CACNA1C: variants seen among roughly 807,000 people sequenced by gnomAD.
The protein encoded by CACNA1C is calcium voltage-gated channel subunit alpha1 C, also known as voltage-dependent L-type calcium channel subunit alpha-1C.
CACNA1C carries 30 observed loss-of-function variants against 229.0 expected under a neutral mutation model. The observed-to-expected ratio is 0.13, with a 90% CI of 0.10 to 0.18. CACNA1C has a LOEUF of 0.18. CACNA1C is among the 10% of genes least tolerant of loss of function. The pLI is 1.00. For synonymous variants in CACNA1C, 1,114 were observed against 1,132.5 expected (o/e 0.98, Z 0.33); for missense variants, 1,658 against 2,845.0 (o/e 0.58, Z 9.49).
At position 1,971,102 on chromosome 12, in the gene CACNA1C, C is replaced by T; in HGVS notation, c.40C>T (p.Gln14Ter). 7.8e-7 allele frequency: 1 copy of T among 1,289,358 alleles called. No homozygotes were observed. The highest frequency in any genetic ancestry group is 1.0e-6 in the Non-Finnish European group (1 of 988,512). The allele number at this position is 1,289,358 out of a possible 1,614,324, so 79.9% of individuals were successfully genotyped here. The change falls in exon 1 of 47, where the codon CAG (glutamine) becomes TAG (stop). Residue 14 changes from glutamine (Q) to a stop codon, truncating the protein, a stop_gained. Coordinates refer to the CACNA1C transcript ENST00000682462. LOFTEE classifies it high-confidence loss of function. This position sits in a 1 kb window ranked among gnomAD's most constrained non-coding sequence, Gnocchi z 4.2. ...TGTTCAGCCTGGTACGCCTGCATAC[C>T]AGCCGCTTCCCAGCCACCTGTCTGC...
intron 1 of CACNA1C, among the ~76,000 whole-genome samples, chr12:2,088,817 A>G (rs544143638): frequency 1.8e-4 from 27 of 151,852 alleles, no homozygotes; most frequent in Non-Finnish European, 3.7e-4. Context: ...GGGGAAAGCA[A>G]TTTTTCAGTT....
intron 3 of CACNA1C, among the ~76,000 whole-genome samples, chr12:2,192,700 C>T (rs1010736620): frequency 4.0e-5 from 6 of 151,764 alleles, no homozygotes; most frequent in African/African-American, 7.3e-5. Flanking sequence ...GTGTGTAACA[C>T]GGTACCTGGC....
chr12:2,002,434 G>T (rs2042389250), intron 1 of CACNA1C, among the ~76,000 whole-genome samples: 1 of 152,180 alleles, frequency 6.6e-6, no homozygotes, highest in South Asian at 2.1e-4. Context: ...TTTCCTGAAT[G>T]AATTATGCCC....
chr12:2,302,081 G>GA (rs1415833085), intron 3 of CACNA1C, among the ~76,000 whole-genome samples: 1 of 152,148 alleles, frequency 6.6e-6, no homozygotes, highest in Non-Finnish European at 1.5e-5. Context: ...TTGGGTTTTT[G>GA]AAAAAGATAC....
At chr12:2,278,562 T>C (rs534205461) in intron 3 of CACNA1C, among the ~76,000 whole-genome samples, 2 of 152,370 alleles carry the variant, frequency 1.3e-5, no homozygotes, top group African/African-American at 4.8e-5. Context: ...TACACATGTC[T>C]CTGGATGTAC....
intron 3 of CACNA1C, among the ~76,000 whole-genome samples, chr12:2,310,369 ATATGTATG>A (rs1192368171): frequency 6.6e-6 from 1 of 150,636 alleles, no homozygotes; most frequent in Middle Eastern, 3.5e-3. Flanking sequence ...ATATATATAT[ATATGTATG>A]GGAATAAAGA....
At chr12:2,041,498 G>C (rs919763411) in intron 1 of CACNA1C, among the ~76,000 whole-genome samples, 7 of 151,854 alleles carry the variant, frequency 4.6e-5, no homozygotes, top group African/African-American at 1.7e-4. Flanking sequence ...GGATGGTCTC[G>C]ATCTCCTGAC....
chr12:2,501,040 A>AC (rs1396066747), intron 7 of CACNA1C, among the ~76,000 whole-genome samples: 1 of 146,150 alleles, frequency 6.8e-6, no homozygotes, highest in Non-Finnish European at 1.5e-5. Context: ...CCCCGTCTCT[A>AC]CTTTAAAAAA....
Position 2,112,838 on chromosome 12 carries a change from A to G in CACNA1C, c.50-2386A>G, listed in dbSNP as rs74370471. 3.5e-4 allele frequency among the ~76,000 whole-genome samples: 53 copies of G among 152,330 alleles called. No homozygotes were observed. The East Asian group carries it at 9.5e-3, about 27-fold the overall frequency. Reference sequence around the variant, plus strand: ...TATAGCATTGTGGACAGTGATGTCAATCAATTGGCATAAAAGTTGAAACTT... The same window carrying G: ...TATAGCATTGTGGACAGTGATGTCAGTCAATTGGCATAAAAGTTGAAACTT... On this transcript the variant is annotated intron_variant, in intron 1 of 46. Transcript: ENST00000399655.
At chr12:2,041,526 T>A (rs990718510) in intron 1 of CACNA1C, among the ~76,000 whole-genome samples, 6 of 152,104 alleles carry the variant, frequency 3.9e-5, no homozygotes. Context: ...TCTGCCCGCC[T>A]CGGCCTCCCA....
intron 3 of CACNA1C, among the ~76,000 whole-genome samples, chr12:2,248,705 A>G (rs2074339721): frequency 6.6e-6 from 1 of 152,368 alleles, no homozygotes; most frequent in African/African-American, 2.4e-5. Flanking sequence ...TACTCTGGAA[A>G]GAAGTAACCG....
chr12:2,614,651 A>G (rs1222252060), intron 29 of CACNA1C: 1 of 152,086 alleles, frequency 6.6e-6, no homozygotes, highest in Non-Finnish European at 1.5e-5. Flanking sequence ...TGCACTTTTT[A>G]TTTCACTGGC....
intron 3 of CACNA1C, among the ~76,000 whole-genome samples, chr12:2,317,777 G>A (rs1230272627): frequency 6.6e-6 from 1 of 152,206 alleles, no homozygotes; most frequent in African/African-American, 2.4e-5. Flanking sequence ...CAGGCCAGAG[G>A]CTCTGGTGGC....
intron 34 of CACNA1C, among the ~76,000 whole-genome samples, chr12:2,661,968 C>T (rs757801927): frequency 6.6e-6 from 1 of 152,180 alleles, no homozygotes; most frequent in Non-Finnish European, 1.5e-5. Flanking sequence ...AAAGGCCGGG[C>T]GCAGTGGCTC....
At chr12:2,527,257 A>G (rs2099819984) in intron 9 of CACNA1C, among the ~76,000 whole-genome samples, 1 of 152,212 alleles carries the variant, frequency 6.6e-6, no homozygotes, top group Non-Finnish European at 1.5e-5. Flanking sequence ...TAAAGATTAG[A>G]GGTCAAGCGA....
At chr12:2,264,627 A>G (rs555719036) in intron 3 of CACNA1C, among the ~76,000 whole-genome samples, 1 of 152,170 alleles carries the variant, frequency 6.6e-6, no homozygotes, top group Admixed American at 6.5e-5. Context: ...CCTCTTCCAC[A>G]TGGGTTTTTT....
At chr12:2,446,198 G>GAT (rs2099276466) in intron 3 of CACNA1C, among the ~76,000 whole-genome samples, 10 of 123,936 alleles carry the variant, frequency 8.1e-5, no homozygotes, top group African/African-American at 2.7e-4. Flanking sequence ...TAGGTGGGTG[G>GAT]GTGGATGGAT....
intron 3 of CACNA1C, among the ~76,000 whole-genome samples, chr12:2,427,931 T>G (rs1380783492): frequency 6.6e-6 from 1 of 152,180 alleles, no homozygotes. Context: ...TGAGGCATAT[T>G]TTAAAAAGTA....
chr12:2,258,845 A>T (rs898117797), intron 3 of CACNA1C, among the ~76,000 whole-genome samples: 1 of 152,344 alleles, frequency 6.6e-6, no homozygotes, highest in South Asian at 2.1e-4. Context: ...ATTAAAATGA[A>T]TATTTAAGTT....
Sources: allele counts gnomAD v4.1 joint callset (sites outside exome capture counted in the v4.1 genomes callset), GRCh38; gene constraint gnomAD v4.1.1; non-coding constraint Gnocchi (gnomAD v3.1); transcripts MANE v1.5; gene names NCBI Gene and HGNC (gene_info 2026-07-23, HGNC 2026-07-21).